GPC5: variants seen among roughly 807,000 people sequenced by gnomAD.
GPC5 encodes the protein glypican 5.
Under a neutral mutation model 53.9 loss-of-function variants are expected in GPC5, and 47 were observed. That is an observed-to-expected ratio of 0.87 (90% CI 0.69 to 1.11). The LOEUF is 1.11. Ranked by LOEUF, GPC5 falls within the 50% of genes most tolerant of loss-of-function variation. The probability of loss-of-function intolerance (pLI) is 0.00; values close to 1 mark genes in which losing one functional copy is unlikely to be tolerated. For synonymous variants in GPC5, 286 were observed against 263.3 expected (o/e 1.09, Z -0.84); for missense variants, 748 against 713.1 (o/e 1.05, Z -0.56).
intron 7 of GPC5, among the ~76,000 whole-genome samples, chr13:92,345,920 C>A (rs977873514): frequency 1.3e-5 from 2 of 152,156 alleles, no homozygotes; most frequent in African/African-American, 4.8e-5. Flanking sequence ...ACAGCTCAAT[C>A]AGTGATACCA....
intron 7 of GPC5, among the ~76,000 whole-genome samples, chr13:92,226,735 A>T (rs1164346003): frequency 6.6e-6 from 1 of 150,642 alleles, no homozygotes; most frequent in Admixed American, 6.6e-5. Context: ...AGCAGCTGGG[A>T]TTACAGGCGC....
At chr13:92,822,429 G>A (rs1877706162) in intron 7 of GPC5, among the ~76,000 whole-genome samples, 1 of 152,014 alleles carries the variant, frequency 6.6e-6, no homozygotes, top group Non-Finnish European at 1.5e-5. Context: ...GAAATAAAGA[G>A]CAGTACCTAA....
chr13:91,801,698 G>A (rs540503625), intron 5 of GPC5, among the ~76,000 whole-genome samples: 4 of 152,246 alleles, frequency 2.6e-5, no homozygotes, highest in African/African-American at 7.2e-5. Flanking sequence ...TGCTTCCTAC[G>A]TACTTAGCAT....
intron 7 of GPC5, among the ~76,000 whole-genome samples, chr13:92,658,161 A>G (rs1886203348): frequency 6.6e-6 from 1 of 152,136 alleles, no homozygotes; most frequent in Non-Finnish European, 1.5e-5. Flanking sequence ...TCTTGGGGTG[A>G]AAAATATCCC....
intron 7 of GPC5, among the ~76,000 whole-genome samples, chr13:92,794,732 C>A (rs1876594590): frequency 2.0e-5 from 3 of 152,056 alleles, no homozygotes; most frequent in Non-Finnish European, 1.5e-5. Context: ...CATTCCTATA[C>A]ACCAAAAACA....
intron 5 of GPC5, among the ~76,000 whole-genome samples, chr13:91,907,040 A>T (rs2039560445): frequency 6.7e-6 from 1 of 149,822 alleles, no homozygotes; most frequent in South Asian, 2.1e-4. Flanking sequence ...ATACTGGAAG[A>T]GTAAAGAATA....
At chr13:92,305,750 G>GA (rs1205686170) in intron 7 of GPC5, among the ~76,000 whole-genome samples, 4 of 152,108 alleles carry the variant, frequency 2.6e-5, no homozygotes, top group African/African-American at 4.8e-5. Flanking sequence ...ATGTTTGGTA[G>GA]AAAATCTAAA....
chr13:91,955,515 G>A (rs1280098281), intron 6 of GPC5, among the ~76,000 whole-genome samples: 1 of 152,044 alleles, frequency 6.6e-6, no homozygotes, highest in Admixed American at 6.6e-5. Flanking sequence ...GAAGAAGAGG[G>A]AAGCAAGGCA....
chr13:91,890,466 C>G (rs1020393752), intron 5 of GPC5, among the ~76,000 whole-genome samples: 5 of 152,196 alleles, frequency 3.3e-5, no homozygotes, highest in Non-Finnish European at 5.9e-5. Flanking sequence ...GGTTGTTGGT[C>G]TGATCTCACA....
chr13:91,776,761 GCA>G (rs1344235782), intron 5 of GPC5, among the ~76,000 whole-genome samples: 2 of 152,158 alleles, frequency 1.3e-5, no homozygotes, highest in African/African-American at 4.8e-5. Flanking sequence ...CCAAGAAACA[GCA>G]CAGTCACTGT....
At chr13:91,737,191 G>A (rs1328473420) in intron 4 of GPC5, among the ~76,000 whole-genome samples, 2 of 151,408 alleles carry the variant, frequency 1.3e-5, no homozygotes, top group African/African-American at 4.9e-5. Context: ...TTAGGAAAAA[G>A]TGGTCTGTTT....
intron 6 of GPC5, among the ~76,000 whole-genome samples, chr13:91,919,084 C>T (rs1478154277): frequency 2.0e-5 from 3 of 152,190 alleles, no homozygotes; most frequent in Non-Finnish European, 4.4e-5. Context: ...TCCTTCTGTT[C>T]TTTCCACATG....
intron 7 of GPC5, among the ~76,000 whole-genome samples, chr13:92,763,754 A>C (rs2138740535): frequency 1.3e-5 from 2 of 152,256 alleles, no homozygotes; most frequent in Non-Finnish European, 2.9e-5. Flanking sequence ...GTAGGGGCCC[A>C]AAAAATGGGT....
At chr13:92,408,104 T>C (rs1249232886) in intron 7 of GPC5, among the ~76,000 whole-genome samples, 1 of 152,142 alleles carries the variant, frequency 6.6e-6, no homozygotes, top group Non-Finnish European at 1.5e-5. Context: ...GAGCTCCGCC[T>C]CCTGTCAGAG....
intron 7 of GPC5, chr13:92,339,937 A>C (rs1346402332): frequency 6.6e-6 from 1 of 152,154 alleles, no homozygotes; most frequent in East Asian, 1.9e-4. Flanking sequence ...GTAAACTTTC[A>C]AAAACATTTC....
At chr13:91,977,706 C>T (rs1330610682) in intron 6 of GPC5, among the ~76,000 whole-genome samples, 1 of 152,142 alleles carries the variant, frequency 6.6e-6, no homozygotes, top group Non-Finnish European at 1.5e-5. Context: ...TGGTCATAGC[C>T]AAGAGAATTC....
chr13:92,484,999 G>C (rs1475923443), intron 7 of GPC5, among the ~76,000 whole-genome samples: 1 of 152,096 alleles, frequency 6.6e-6, no homozygotes, highest in Non-Finnish European at 1.5e-5. Flanking sequence ...GCCTCCCAAA[G>C]TGCCAGGATT....
At chr13:91,445,108 G>A (rs1880693118) in intron 1 of GPC5, among the ~76,000 whole-genome samples, 1 of 152,158 alleles carries the variant, frequency 6.6e-6, no homozygotes, top group Admixed American at 6.5e-5. Flanking sequence ...ATGGATAGAA[G>A]ATTCATTCTT....
chr13:91,655,826 T>G lies in GPC5; in HGVS notation c.326-37361T>G, dbSNP rs541002459. Among the ~76,000 whole-genome samples, 4 of 152,280 alleles carry G rather than the reference T, an allele frequency of 2.6e-5. No homozygotes were observed. The East Asian group carries it at 7.7e-4, about 29-fold the overall frequency. ...GAGTCAATTGCCAAATGTAGATACCTGCTAGTCTGTCAGGAGAGACTGGTA... is the reference window on the plus strand; with the variant it reads ...GAGTCAATTGCCAAATGTAGATACCGGCTAGTCTGTCAGGAGAGACTGGTA... On this transcript the variant is annotated intron_variant, in intron 2 of 7. Transcript: ENST00000377067.
Sources: allele counts gnomAD v4.1 joint callset (sites outside exome capture counted in the v4.1 genomes callset), GRCh38; gene constraint gnomAD v4.1.1; transcripts MANE v1.5; gene names NCBI Gene and HGNC (gene_info 2026-07-23, HGNC 2026-07-21).